ITPR2: variants seen among roughly 807,000 people sequenced by gnomAD.
ITPR2 encodes the protein inositol 1,4,5-trisphosphate receptor type 2, also known as inositol 1,4,5-trisphosphate-gated calcium channel ITPR2.
Under a neutral mutation model 317.1 loss-of-function variants are expected in ITPR2, and 207 were observed. That is an observed-to-expected ratio of 0.65 (90% CI 0.58 to 0.73). The LOEUF (loss-of-function observed/expected upper bound fraction) is 0.73. Among genes scored for constraint, ITPR2 ranks in the 30% least tolerant of loss-of-function variants. The probability of loss-of-function intolerance (pLI) is 0.00; values close to 1 mark genes in which losing one functional copy is unlikely to be tolerated. For missense variants in ITPR2, 2,613 were observed against 3,284.0 expected, an observed-to-expected ratio of 0.80 and a Z score of 4.99; for synonymous variants, 1,156 against 1,149.1, an observed-to-expected ratio of 1.01 and a Z score of -0.12.
chr12:26,811,698 A>T, intron 1 of ITPR2, among the ~76,000 whole-genome samples: 1 of 149,892 alleles, frequency 6.7e-6, no homozygotes, highest in Non-Finnish European at 1.5e-5. Flanking sequence ...AAAAAAAAAA[A>T]AAAAAATTAG....
At chr12:26,773,576 C>T (rs955929662) in intron 2 of ITPR2, among the ~76,000 whole-genome samples, 7 of 152,170 alleles carry the variant, frequency 4.6e-5, no homozygotes, top group South Asian at 4.1e-4. Context: ...ACCAAAGCCA[C>T]GAATCACTCA....
intron 45 of ITPR2, 100 bp from the exon 46 acceptor site, chr12:26,443,750 T>C (rs964020938): frequency 6.8e-5 from 54 of 793,458 alleles, no homozygotes; most frequent in Non-Finnish European, 1.0e-4. Flanking sequence ...AGCTTCAGAG[T>C]CCTAGGGTTA....
chr12:26,816,644 C>T (rs1239382395), intron 1 of ITPR2, among the ~76,000 whole-genome samples: 2 of 152,102 alleles, frequency 1.3e-5, no homozygotes, highest in Non-Finnish European at 2.9e-5. Context: ...AAACATAATC[C>T]AATATTCACA....
intron 13 of ITPR2, among the ~76,000 whole-genome samples, chr12:26,672,428 A>G (rs1255823848): frequency 6.6e-6 from 1 of 152,198 alleles, no homozygotes; most frequent in East Asian, 1.9e-4. Context: ...ATGGAAACTG[A>G]AAAACCTGCT....
intron 26 of ITPR2, among the ~76,000 whole-genome samples, chr12:26,603,039 A>G (rs963309555): frequency 1.3e-5 from 2 of 152,200 alleles, no homozygotes; most frequent in African/African-American, 4.8e-5. Flanking sequence ...TATATTGCCT[A>G]TATGAGAAGA....
chr12:26,369,248 GAGCAGGT>G (rs1939109392), intron 55 of ITPR2, among the ~76,000 whole-genome samples: 2 of 152,184 alleles, frequency 1.3e-5, no homozygotes, highest in African/African-American at 4.8e-5. Context: ...GGAAGGTTTG[GAGCAGGT>G]GGCAGGTGAC....
At chr12:26,509,926 G>A (rs935680553) in intron 37 of ITPR2, among the ~76,000 whole-genome samples, 1 of 129,860 alleles carries the variant, frequency 7.7e-6, no homozygotes, top group African/African-American at 2.9e-5. Context: ...AAAGATCCCA[G>A]AATTTATTTT....
At chr12:26,821,258 C>T (rs1403164670) in intron 1 of ITPR2, among the ~76,000 whole-genome samples, 1 of 152,190 alleles carries the variant, frequency 6.6e-6, no homozygotes, top group African/African-American at 2.4e-5. Flanking sequence ...TACCACACTG[C>T]CCCAGCAGCA....
chr12:26,479,719 C>T (rs1942503000), intron 43 of ITPR2, among the ~76,000 whole-genome samples: 1 of 152,076 alleles, frequency 6.6e-6, no homozygotes, highest in Admixed American at 6.6e-5. Context: ...ATAGAAAGAG[C>T]AGAAGCTTAT....
At chr12:26,438,549 AGAC>A (rs1281123763) in intron 47 of ITPR2, among the ~76,000 whole-genome samples, 2 of 152,240 alleles carry the variant, frequency 1.3e-5, no homozygotes, top group Non-Finnish European at 2.9e-5. Context: ...GTTTCCTAAT[AGAC>A]GTGGGACCTA....
chr12:26,443,799 T>C (rs1312155139), intron 45 of ITPR2, 149 bp from the exon 46 acceptor site: 2 of 563,190 alleles, frequency 3.6e-6, no homozygotes, highest in African/African-American at 3.8e-5. Flanking sequence ...ATGTCTGTAT[T>C]TGAAAGGCAG....
chr12:26,411,148 C>G (rs1304073022), intron 52 of ITPR2, 172 bp downstream of exon 52: 1 of 561,094 alleles, frequency 1.8e-6, no homozygotes, highest in African/African-American at 1.9e-5. Flanking sequence ...ACAAAATGAC[C>G]AATGTGGGAA....
intron 2 of ITPR2, among the ~76,000 whole-genome samples, chr12:26,744,370 C>T (rs1027886568): frequency 3.3e-5 from 5 of 152,228 alleles, no homozygotes; most frequent in Non-Finnish European, 7.3e-5. Context: ...GCCCTGGATG[C>T]TCTCTCCACC....
At chr12:26,556,152 A>G in intron 36 of ITPR2, 81 bp downstream of exon 36, 1 of 1,363,254 alleles carries the variant, frequency 7.3e-7, no homozygotes, top group Non-Finnish European at 1.0e-6. Flanking sequence ...GTCATTTTAT[A>G]TCAGTGAAGT....
At chr12:26,642,375 C>T (rs1196300128) in intron 21 of ITPR2, among the ~76,000 whole-genome samples, 1 of 152,172 alleles carries the variant, frequency 6.6e-6, no homozygotes, top group East Asian at 1.9e-4. Flanking sequence ...GAGCACCACC[C>T]TTATGAATGG....
chr12:26,703,626 A>C (rs1227187766), intron 9 of ITPR2, among the ~76,000 whole-genome samples: 2 of 152,216 alleles, frequency 1.3e-5, no homozygotes, highest in Admixed American at 6.5e-5. Context: ...CGTTACCCTC[A>C]GTTGAAAGCA....
chr12:26,416,525 AT>A lies in ITPR2; in HGVS notation c.7111-1028del, dbSNP rs879818753. Among the ~76,000 whole-genome samples, 512 of 151,934 alleles carry A rather than the reference AT, an allele frequency of 3.4e-3. 2 individuals are homozygous for A. The highest frequency in any genetic ancestry group is 5.2e-3 in the Admixed American group (80 of 15,258). On this transcript the variant is annotated intron_variant, in intron 50 of 56. Transcript: ENST00000381340. ...CATATACCCTTTCAGGACCTTGTCT[AT>A]TTTTTTTCTGAGTACTGAGGGTTAT... is the stretch of plus-strand genomic sequence containing the variant.
chr12:26,784,624 G>A (rs1432979239), intron 2 of ITPR2, among the ~76,000 whole-genome samples: 2 of 151,540 alleles, frequency 1.3e-5, no homozygotes, highest in East Asian at 4.0e-4. Flanking sequence ...GATTGCAGAC[G>A]GAGTCTTGTT....
intron 2 of ITPR2, among the ~76,000 whole-genome samples, chr12:26,780,831 G>A (rs369863558): frequency 6.6e-6 from 1 of 152,168 alleles, no homozygotes; most frequent in African/African-American, 2.4e-5. Flanking sequence ...TGCTGGCCTA[G>A]AGGTCTTAGT....
Sources: allele counts gnomAD v4.1 joint callset (sites outside exome capture counted in the v4.1 genomes callset), GRCh38; gene constraint gnomAD v4.1.1; transcripts MANE v1.5; gene names NCBI Gene and HGNC (gene_info 2026-07-23, HGNC 2026-07-21).